Variants in SLC25A46 observed in about 807,000 individuals in gnomAD.
SLC25A46 encodes solute carrier family 25 member 46, also known as mitochondrial outer membrane protein SLC25A46.
SLC25A46 carries 39 observed loss-of-function variants against 44.6 expected under a neutral mutation model. That is an observed-to-expected ratio of 0.87 (90% CI 0.68 to 1.14). SLC25A46 has a LOEUF of 1.14. Ranked by LOEUF, SLC25A46 falls within the 50% of genes most tolerant of loss-of-function variation. SLC25A46 has a pLI of 0.00. For missense variants in SLC25A46, 547 were observed against 522.7 expected, an observed-to-expected ratio of 1.05 and a Z score of -0.45; for synonymous variants, 202 against 185.8, an observed-to-expected ratio of 1.09 and a Z score of -0.71.
At chr5:110,748,432 A>G (rs999376397) in intron 5 of SLC25A46, among the ~76,000 whole-genome samples, 169 bp downstream of exon 5, 2 of 152,164 alleles carry the variant, frequency 1.3e-5, no homozygotes, top group African/African-American at 2.4e-5. Flanking sequence ...ATCATACCCA[A>G]TAGGTAGCTT....
intron 1 of SLC25A46, among the ~76,000 whole-genome samples, chr5:110,740,939 G>A (rs1213773231): frequency 1.3e-5 from 2 of 152,228 alleles, no homozygotes; most frequent in African/African-American, 4.8e-5. Flanking sequence ...GCGACAGAGC[G>A]AGACTCCGTC....
At chr5:110,747,077 T>G (rs1397296959) in intron 4 of SLC25A46, among the ~76,000 whole-genome samples, 3 of 152,198 alleles carry the variant, frequency 2.0e-5, no homozygotes, top group Non-Finnish European at 4.4e-5. Context: ...TTTGGCAATA[T>G]CTATTAAAAT....
intron 5 of SLC25A46, among the ~76,000 whole-genome samples, chr5:110,752,959 G>T (rs896224620): frequency 2.6e-5 from 4 of 152,100 alleles, no homozygotes; most frequent in Non-Finnish European, 4.4e-5. Flanking sequence ...AAGAAAGGTG[G>T]TCTTGAAAAG....
chr5:110,755,311 G>A (rs1800079835), intron 5 of SLC25A46, 154 bp from the exon 6 acceptor site: 3 of 543,122 alleles, frequency 5.5e-6, no homozygotes, highest in Non-Finnish European at 9.8e-6. Flanking sequence ...TGTTTACACT[G>A]TGTTCTAGAA....
At chr5:110,740,246 A>T (rs11739799) in intron 1 of SLC25A46, among the ~76,000 whole-genome samples, 217 of 152,348 alleles carry the variant, frequency 1.4e-3, no homozygotes, top group Non-Finnish European at 2.1e-3. Context: ...TGTTAGAATA[A>T]TAGATTAATG....
chr5:110,747,085 A>T (rs143713803), intron 4 of SLC25A46, among the ~76,000 whole-genome samples: 4 of 152,352 alleles, frequency 2.6e-5, no homozygotes, highest in African/African-American at 9.6e-5. Flanking sequence ...TATCTATTAA[A>T]ATTTAAAATG....
Position 110,753,595 on chromosome 5 carries a change from T to C in SLC25A46, c.564-1870T>C, listed in dbSNP as rs1174253109. On this transcript the variant is annotated intron_variant, in intron 5 of 7. Transcript: ENST00000355943. ...ATGAATTATAAAAAGGTTTAGTGAC[T>C]GAAGCTTTTAAGTATGCTTATTTAA... The C allele has an allele frequency of 3.3e-5, 5 of 152,170 alleles. No homozygotes were observed. The East Asian group carries it at 9.6e-4, about 29-fold the overall frequency. 9.4% of individuals were successfully genotyped at this position (152,170 alleles called of 1,614,324 possible). A position where few individuals can be genotyped will look rare whatever the true frequency, so the allele number is the denominator to read the frequency against.
intron 4 of SLC25A46, among the ~76,000 whole-genome samples, chr5:110,747,613 C>G (rs765798745): frequency 2.6e-5 from 4 of 151,986 alleles, no homozygotes; most frequent in Non-Finnish European, 4.4e-5. Context: ...GACAGTGAAA[C>G]TTGTAGTCAA....
chr5:110,756,947 CT>C (rs1236978141), intron 7 of SLC25A46, 188 bp downstream of exon 7: 3 of 399,048 alleles, frequency 7.5e-6, no homozygotes, highest in Non-Finnish European at 1.3e-5. Flanking sequence ...TTAAGTCACA[CT>C]TCTAGTTTTA....
At position 110,739,196 on chromosome 5, in the gene SLC25A46, G is replaced by A; in HGVS notation, c.77G>A (p.Gly26Asp). 1 of 1,558,358 alleles carries A rather than the reference G, an allele frequency of 6.4e-7. No homozygotes were observed. The highest frequency in any genetic ancestry group is 8.7e-7 in the Non-Finnish European group (1 of 1,151,324). ...GCCCGGGACGAGCAGGGCTTTGGCGGCGCCTTCCCTGCAAGGTCCTTCAGC... is the reference window on the plus strand; with the variant it reads ...GCCCGGGACGAGCAGGGCTTTGGCGACGCCTTCCCTGCAAGGTCCTTCAGC... ...GGARDEQGFG[G>D]AFPARSFSTG... is the part of the protein sequence containing the mutation. The change falls in exon 1 of 8, where the codon GGC (glycine) becomes GAC (aspartate). Residue 26 changes from glycine to aspartate, a missense_variant. Physicochemically the swap from Gly to Asp is moderately conservative, Grantham distance 94. Coordinates refer to ENST00000355943, the MANE Select transcript of SLC25A46 (RefSeq NM_138773.4).
At position 110,762,011 on chromosome 5, in the gene SLC25A46, C is replaced by CTAGT; in HGVS notation, c.*234_*237dup. The CTAGT allele has an allele frequency of 2.3e-6, 1 of 429,530 alleles. No individual in the cohort carries two copies. The highest frequency in any genetic ancestry group is 4.2e-6 in the Non-Finnish European group (1 of 240,306). 26.6% of individuals were successfully genotyped at this position (429,530 alleles called of 1,614,324 possible). A position where few individuals can be genotyped will look rare whatever the true frequency, so the allele number is the denominator to read the frequency against. The stretch of plus-strand genomic sequence containing the variant: ...CAATAAAAATAACACTTATTAAATT[C>CTAGT]TAGTTAGTGTAGCACTCATGCTGAA... On this transcript the variant is annotated 3_prime_UTR_variant, in exon 8 of 8. Coordinates refer to ENST00000355943, the MANE Select transcript of SLC25A46 (RefSeq NM_138773.4).
At chr5:110,749,991 A>G (rs1021462729) in intron 5 of SLC25A46, among the ~76,000 whole-genome samples, 1 of 152,086 alleles carries the variant, frequency 6.6e-6, no homozygotes, top group African/African-American at 2.4e-5. Context: ...ATTCTCTGGC[A>G]AGGTGAATTT....
In SLC25A46 at chr5:110,739,044, C is replaced by T. The variant is rs1799516669; in HGVS notation, c.-76C>T. ...TGACGCGGCGGCGGCCGACGGGAAG[C>T]TGTGTGTGCTTAGGTCGTGGTGGCC... On this transcript the variant is annotated 5_prime_UTR_variant, in exon 1 of 8. Transcript: ENST00000355943. 1.3e-5 allele frequency: 19 copies of T among 1,490,242 alleles called. No homozygotes were observed. The highest frequency in any genetic ancestry group is 1.6e-5 in the Non-Finnish European group (18 of 1,129,422). 92.3% of individuals were successfully genotyped at this position (1,490,242 alleles called of 1,614,324 possible).
Position 110,761,130 on chromosome 5 carries a change from C to G in SLC25A46, c.679-74C>G, listed in dbSNP as rs1439356588. 2 of 1,160,554 alleles carry G rather than the reference C, an allele frequency of 1.7e-6. No individual in the cohort carries two copies. Among genetic ancestry groups the G allele is most frequent in the Non-Finnish European group, 2.5e-6 (2 of 808,932 alleles). The allele number at this position is 1,160,554 out of a possible 1,614,324, so 71.9% of individuals were successfully genotyped here. On this transcript the variant is annotated intron_variant, in intron 7 of 7. Coordinates refer to ENST00000355943, the MANE Select transcript of SLC25A46 (RefSeq NM_138773.4). This position sits in a 1 kb window ranked among gnomAD's most constrained non-coding sequence, Gnocchi z 5.3. ...TCACTATGTTAGGATTTAAAAGGAA[C>G]CTAAAAAGAGTCCTTTTTCTGTGGC...
rs551730382 is a variant in SLC25A46 at position 110,757,522 on chromosome 5, C to T, written c.678+763C>T. The stretch of plus-strand genomic sequence containing the variant: ...TCTGTAAAAACTCGCACTGGATCAG[C>T]CTTTGCTCTTCTAATTACTCTTTTC... On this transcript the variant is annotated intron_variant, in intron 7 of 7. Transcript: ENST00000355943. 2.0e-4 allele frequency among the ~76,000 whole-genome samples: 31 copies of T among 152,138 alleles called. No homozygotes were observed. In the South Asian group the frequency reaches 6.2e-3, roughly 31 times the overall value.
chr5:110,748,412 T>C (rs1196568140), intron 5 of SLC25A46, 149 bp downstream of exon 5: 10 of 622,650 alleles, frequency 1.6e-5, no homozygotes, highest in East Asian at 2.8e-5. Flanking sequence ...CAATTCTCAA[T>C]TGTGTAAACA....
intron 3 of SLC25A46, 82 bp downstream of exon 3, chr5:110,743,869 C>A (rs1799749937): frequency 2.8e-6 from 3 of 1,073,354 alleles, no homozygotes; most frequent in Non-Finnish European, 4.1e-6. Context: ...TGACATGAAA[C>A]CAGGTAATTG....
intron 1 of SLC25A46, among the ~76,000 whole-genome samples, chr5:110,740,710 G>C (rs1799649690): frequency 6.6e-6 from 1 of 152,180 alleles, no homozygotes; most frequent in African/African-American, 2.4e-5. Flanking sequence ...CTAGCACTTT[G>C]GGAGGCCAAG....
Position 110,748,162 on chromosome 5 carries a change from G to C in SLC25A46, c.463-1G>C. On this transcript the variant is annotated splice_acceptor_variant, in intron 4 of 7. Coordinates refer to ENST00000355943, the MANE Select transcript of SLC25A46 (RefSeq NM_138773.4). LOFTEE classifies it high-confidence loss of function. ...AATAACATGAATTTTGTTCAATTTA[G>C]GGACCTAGAGCCCTGTGGAAAGGAA... 6.2e-7 allele frequency: 1 copy of C among 1,609,326 alleles called. No individual in the cohort carries two copies.
Sources: gnomAD v4.1 joint callset for allele counts (sites outside exome capture counted in the v4.1 genomes callset) on GRCh38, gnomAD v4.1.1 for gene constraint, Gnocchi (gnomAD v3.1) non-coding constraint, MANE v1.5 for transcripts, NCBI Gene and HGNC (gene_info 2026-07-23, HGNC 2026-07-21) for gene names.